Variants in C10orf90 observed in about 807,000 individuals in gnomAD.
C10orf90 encodes chromosome 10 open reading frame 90, also known as (E2-independent) E3 ubiquitin-conjugating enzyme FATS.
A neutral mutation model predicts 62.5 loss-of-function variants in C10orf90; 56 were observed. That is an observed-to-expected ratio of 0.90 (90% CI 0.72 to 1.12). The LOEUF is 1.12. C10orf90 is among the 50% of genes most tolerant of loss of function. The pLI is 0.00. For missense variants in C10orf90, 970 were observed against 880.4 expected, an observed-to-expected ratio of 1.10 and a Z score of -1.29; for synonymous variants, 386 against 340.4, an observed-to-expected ratio of 1.13 and a Z score of -1.47.
In C10orf90 at chr10:126,425,193, A is replaced by G. The variant is rs1271647788; in HGVS notation, c.*671T>C. On this transcript the variant is annotated 3_prime_UTR_variant, in exon 10 of 10. Transcript: ENST00000488181. ...GGCGGGGCAGGAGGAGTATTGTAGA[A>G]AACACTGAAGTTACGTCAGAGCTTC... 2 of 152,192 alleles carry G rather than the reference A, an allele frequency of 1.3e-5. No individual in the cohort carries two copies. The highest frequency in any genetic ancestry group is 4.8e-5 in the African/African-American group (2 of 41,438). 9.4% of individuals were successfully genotyped at this position (152,192 alleles called of 1,614,324 possible). A position where few individuals can be genotyped will look rare whatever the true frequency, so the allele number is the denominator to read the frequency against.
At chr10:126,606,558 C>A (rs574088606) in intron 2 of C10orf90, among the ~76,000 whole-genome samples, 1 of 152,118 alleles carries the variant, frequency 6.6e-6, no homozygotes, top group Non-Finnish European at 1.5e-5. Context: ...GAGCTCACCG[C>A]GGACAAACAG....
chr10:126,515,203 T>C (rs188709924), intron 2 of C10orf90, among the ~76,000 whole-genome samples: 285 of 152,356 alleles, frequency 1.9e-3, no homozygotes, highest in Middle Eastern at 0.01. Context: ...CTACTGACGC[T>C]GTAGCCATCA....
intron 2 of C10orf90, among the ~76,000 whole-genome samples, chr10:126,580,368 T>A (rs895998089): frequency 6.6e-6 from 1 of 152,096 alleles, no homozygotes; most frequent in African/African-American, 2.4e-5. Context: ...TAAAAAGACA[T>A]TAAGAGGCCA....
At position 126,503,473 on chromosome 10, in the gene C10orf90, C is replaced by A. The variant is rs562804855; in HGVS notation, c.1534+484G>T. Among the ~76,000 whole-genome samples the A allele has an allele frequency of 5.9e-5, 9 of 152,286 alleles. No individual in the cohort carries two copies. The East Asian group carries it at 1.5e-3, about 26-fold the overall frequency. ...ACACATTCACATACACACATTCACA[C>A]TTACACGCTCCATTATGAAGCTTTG... On this transcript the variant is annotated intron_variant, in intron 4 of 9. Coordinates refer to ENST00000488181, the MANE Select transcript of C10orf90 (RefSeq NM_001350921.2).
intron 7 of C10orf90, among the ~76,000 whole-genome samples, chr10:126,442,120 A>AT (rs1858369327): frequency 6.6e-6 from 1 of 152,104 alleles, no homozygotes; most frequent in Admixed American, 6.6e-5. Flanking sequence ...TATAGAATGC[A>AT]TAAGAATTCA....
intron 1 of C10orf90, among the ~76,000 whole-genome samples, chr10:126,662,045 C>T (rs1157829347): frequency 6.6e-6 from 1 of 150,518 alleles, no homozygotes; most frequent in African/African-American, 2.5e-5. Context: ...GGATGACAGA[C>T]ATTGTAAATT....
At chr10:126,431,310 T>G (rs947885273) in intron 7 of C10orf90, among the ~76,000 whole-genome samples, 2 of 152,198 alleles carry the variant, frequency 1.3e-5, no homozygotes, top group Admixed American at 6.5e-5. Flanking sequence ...GAAAAATCCC[T>G]ACACTAGGTA....
chr10:126,588,564 T>G (rs1278220847), intron 2 of C10orf90, among the ~76,000 whole-genome samples: 1 of 151,910 alleles, frequency 6.6e-6, no homozygotes. Context: ...GGGTCTGGAG[T>G]GTACCCTCAG....
chr10:126,635,638 T>C (rs1490182847), intron 2 of C10orf90, among the ~76,000 whole-genome samples: 1 of 152,218 alleles, frequency 6.6e-6, no homozygotes, highest in Non-Finnish European at 1.5e-5. Context: ...TCATATGGTC[T>C]GCACTCCCCT....
chr10:126,597,004 C>T (rs922385255), intron 2 of C10orf90, among the ~76,000 whole-genome samples: 2 of 152,098 alleles, frequency 1.3e-5, no homozygotes, highest in East Asian at 3.9e-4. Context: ...AATGAGATAC[C>T]GTTAGTCACC....
chr10:126,654,343 G>A (rs1156877807), intron 1 of C10orf90, among the ~76,000 whole-genome samples: 1 of 152,246 alleles, frequency 6.6e-6, no homozygotes, highest in Admixed American at 6.5e-5. Flanking sequence ...ATAACTTGCA[G>A]CAGCTTCTAC....
At chr10:126,461,722 A>G (rs1590947774) in intron 5 of C10orf90, 137 bp from the exon 6 acceptor site, 1 of 895,590 alleles carries the variant, frequency 1.1e-6, no homozygotes, top group East Asian at 2.8e-5. Flanking sequence ...TTAAGCTGAC[A>G]AGATCATGCC....
intron 2 of C10orf90, among the ~76,000 whole-genome samples, chr10:126,538,876 G>A (rs1864307045): frequency 6.6e-6 from 1 of 152,190 alleles, no homozygotes; most frequent in African/African-American, 2.4e-5. Flanking sequence ...ACAGCTAATT[G>A]CTAACCAGGC....
chr10:126,515,018 A>T (rs1157237923), intron 2 of C10orf90, among the ~76,000 whole-genome samples: 1 of 152,252 alleles, frequency 6.6e-6, no homozygotes, highest in Non-Finnish European at 1.5e-5. Flanking sequence ...GATGAGAAAG[A>T]AGAGATTTAT....
chr10:126,565,375 A>T (rs1317691493), intron 2 of C10orf90, among the ~76,000 whole-genome samples: 1 of 35,438 alleles, frequency 2.8e-5, no homozygotes, highest in Non-Finnish European at 5.4e-5. Flanking sequence ...TATTTTATAT[A>T]ATAATATATA....
intron 4 of C10orf90, among the ~76,000 whole-genome samples, chr10:126,491,890 G>C (rs1487570774): frequency 1.3e-5 from 2 of 152,200 alleles, no homozygotes; most frequent in African/African-American, 4.8e-5. Flanking sequence ...AACACATCCA[G>C]AAGGACTACA....
chr10:126,483,189 A>G (rs1373093821), intron 4 of C10orf90, among the ~76,000 whole-genome samples: 1 of 152,248 alleles, frequency 6.6e-6, no homozygotes, highest in East Asian at 1.9e-4. Context: ...CAGGAACAGA[A>G]AAGGACTTGC....
intron 7 of C10orf90, among the ~76,000 whole-genome samples, chr10:126,450,693 GA>G (rs918275048): frequency 6.6e-6 from 1 of 152,118 alleles, no homozygotes; most frequent in Non-Finnish European, 1.5e-5. Context: ...AAAATGAACT[GA>G]AAATGAATTA....
chr10:126,541,862 A>G (rs1044912220), intron 2 of C10orf90, among the ~76,000 whole-genome samples: 2 of 152,242 alleles, frequency 1.3e-5, no homozygotes, highest in African/African-American at 4.8e-5. Flanking sequence ...ACAGGGGTAC[A>G]TACTTTCACA....
Sources: allele counts gnomAD v4.1 joint callset (sites outside exome capture counted in the v4.1 genomes callset), GRCh38; gene constraint gnomAD v4.1.1; transcripts MANE v1.5; gene names NCBI Gene and HGNC (gene_info 2026-07-23, HGNC 2026-07-21).